SORCS1: variants seen among roughly 807,000 people sequenced by gnomAD.
The protein encoded by SORCS1 is VPS10 domain-containing receptor SorCS1.
A neutral mutation model predicts 146.1 loss-of-function variants in SORCS1; 60 were observed. The observed-to-expected ratio is 0.41, with a 90% CI of 0.33 to 0.51. The LOEUF (loss-of-function observed/expected upper bound fraction) is 0.51. Among genes scored for constraint, SORCS1 ranks in the 20% least tolerant of loss-of-function variants. SORCS1 has a pLI of 0.21. For synonymous variants in SORCS1, 637 were observed against 584.0 expected (o/e 1.09, Z -1.31); for missense variants, 1,352 against 1,487.6 (o/e 0.91, Z 1.50).
chr10:107,153,175 T>A (rs547843794), intron 1 of SORCS1, among the ~76,000 whole-genome samples: 1 of 152,082 alleles, frequency 6.6e-6, no homozygotes, highest in South Asian at 2.1e-4. Flanking sequence ...TCCTTCTCTC[T>A]GTTTTTTTTT....
At chr10:106,956,129 C>CAA (rs201562634) in intron 2 of SORCS1, among the ~76,000 whole-genome samples, 7,000 of 125,370 alleles carry the variant, frequency 0.056, 453 homozygotes, top group East Asian at 0.16. Flanking sequence ...AACTCCGTCT[C>CAA]AAAAAAAAAA....
intron 24 of SORCS1, among the ~76,000 whole-genome samples, chr10:106,588,404 T>C (rs962060493): frequency 3.3e-5 from 5 of 152,226 alleles, no homozygotes; most frequent in African/African-American, 1.2e-4. Context: ...TCTGTTTTAG[T>C]GGATGGCTTG....
intron 5 of SORCS1, among the ~76,000 whole-genome samples, chr10:106,739,712 G>A (rs1857223942): frequency 6.6e-6 from 1 of 152,086 alleles, no homozygotes; most frequent in Admixed American, 6.5e-5. Flanking sequence ...AGCACTTTGG[G>A]AGGCCGAGTC....
At chr10:106,609,015 C>T (rs532211193) in intron 22 of SORCS1, among the ~76,000 whole-genome samples, 5 of 152,294 alleles carry the variant, frequency 3.3e-5, no homozygotes, top group East Asian at 1.9e-4. Flanking sequence ...CCAGAAAAGA[C>T]AATAAGTGTC....
intron 1 of SORCS1, among the ~76,000 whole-genome samples, chr10:107,063,761 T>C (rs1038207213): frequency 3.3e-5 from 5 of 152,178 alleles, no homozygotes; most frequent in East Asian, 1.9e-4. Flanking sequence ...GATGGTAAGA[T>C]TGTGACATCA....
chr10:106,761,778 C>A, intron 4 of SORCS1, 117 bp from the exon 5 acceptor site: 1 of 848,290 alleles, frequency 1.2e-6, no homozygotes, highest in Non-Finnish European at 1.9e-6. Context: ...GAACACCTGC[C>A]ATATACAAGG....
chr10:106,945,518 G>A (rs1954293764), intron 2 of SORCS1, among the ~76,000 whole-genome samples: 1 of 152,198 alleles, frequency 6.6e-6, no homozygotes, highest in African/African-American at 2.4e-5. Flanking sequence ...GTGGTGATCT[G>A]TATCTCAAGG....
intron 14 of SORCS1, 87 bp from the exon 15 acceptor site, chr10:106,673,072 C>T (rs1460470222): frequency 2.1e-6 from 2 of 937,860 alleles, no homozygotes; most frequent in East Asian, 2.6e-5. Flanking sequence ...GGCGTTCACC[C>T]TGAGCTAAGC....
At chr10:106,871,732 G>A (rs1950412202) in intron 2 of SORCS1, among the ~76,000 whole-genome samples, 1 of 152,106 alleles carries the variant, frequency 6.6e-6, no homozygotes, top group African/African-American at 2.4e-5. Flanking sequence ...TAGATTCTGG[G>A]GTGTAATTGA....
chr10:106,677,452 AC>A, intron 12 of SORCS1, 48 bp from the exon 13 acceptor site: 1 of 1,516,182 alleles, frequency 6.6e-7, no homozygotes, highest in Non-Finnish European at 9.2e-7. Flanking sequence ...ATCCACACAT[AC>A]CCAGGCTTCA....
chr10:107,153,203 T>C (rs751740084), intron 1 of SORCS1, among the ~76,000 whole-genome samples: 2 of 152,018 alleles, frequency 1.3e-5, no homozygotes, highest in Non-Finnish European at 2.9e-5. Context: ...CTCCTTGTTC[T>C]GGAGCTCTCT....
At chr10:106,963,498 T>C (rs537970396) in intron 1 of SORCS1, among the ~76,000 whole-genome samples, 142 of 152,306 alleles carry the variant, frequency 9.3e-4, no homozygotes, top group African/African-American at 3.3e-3. Flanking sequence ...CTTCAAAATA[T>C]GCATGTTCCA....
At chr10:107,036,003 CACAG>C (rs1958891340) in intron 1 of SORCS1, among the ~76,000 whole-genome samples, 1 of 150,812 alleles carries the variant, frequency 6.6e-6, no homozygotes, top group Non-Finnish European at 1.5e-5. Context: ...AGGATTTGAA[CACAG>C]ACAGTGTGAT....
At chr10:107,181,057 C>A in the SORCS1 span, among the ~76,000 whole-genome samples, 2 of 152,242 alleles carry the variant, frequency 1.3e-5, no homozygotes, top group East Asian at 1.9e-4. Flanking sequence ...CTGAGTAGGG[C>A]ACTTACCATG....
intron 2 of SORCS1, among the ~76,000 whole-genome samples, chr10:106,854,835 A>G (rs375458176): frequency 1.9e-3 from 285 of 152,204 alleles, no homozygotes; most frequent in African/African-American, 6.7e-3. Flanking sequence ...GTGTGTGTGT[A>G]TATATATACA....
At chr10:106,976,014 G>A (rs1955979926) in intron 1 of SORCS1, among the ~76,000 whole-genome samples, 1 of 151,704 alleles carries the variant, frequency 6.6e-6, no homozygotes, top group African/African-American at 2.4e-5. Context: ...GGGCAGTGGT[G>A]GCGCACCTGT....
intron 9 of SORCS1, among the ~76,000 whole-genome samples, chr10:106,690,180 T>G (rs1457019163): frequency 1.3e-5 from 2 of 152,238 alleles, no homozygotes; most frequent in Non-Finnish European, 2.9e-5. Context: ...CGCAAGGGCT[T>G]CCCACCAGGG....
At chr10:107,167,193 G>A (rs548961267), upstream of SORCS1, among the ~76,000 whole-genome samples, 20 of 152,304 alleles carry the variant, frequency 1.3e-4, no homozygotes, top group East Asian at 3.9e-3. Context: ...TATTTCTTAT[G>A]GCTCTGCTCC....
intron 1 of SORCS1, among the ~76,000 whole-genome samples, chr10:107,093,238 T>C (rs927427303): frequency 8.5e-5 from 13 of 152,204 alleles, no homozygotes; most frequent in African/African-American, 2.9e-4. Context: ...CACACTTCGA[T>C]TGACCGACAG....
Sources: allele counts gnomAD v4.1 joint callset (sites outside exome capture counted in the v4.1 genomes callset), GRCh38; gene constraint gnomAD v4.1.1; transcripts MANE v1.5; gene names NCBI Gene and HGNC (gene_info 2026-07-23, HGNC 2026-07-21).